The following TENM2 variants were observed in gnomAD, a reference collection of about 807,000 sequenced individuals.
The protein encoded by TENM2 is teneurin-2.
TENM2 carries 52 observed loss-of-function variants against 245.2 expected under a neutral mutation model. The ratio of observed to expected loss-of-function variants is 0.21; its 90% CI spans 0.17 to 0.27. The LOEUF is 0.27. TENM2 is among the 10% of genes least tolerant of loss of function. TENM2 has a pLI of 1.00. For synonymous variants in TENM2, 1,363 were observed against 1,438.9 expected (o/e 0.95, Z 1.19); for missense variants, 3,046 against 3,666.8 (o/e 0.83, Z 4.37).
intron 2 of TENM2, among the ~76,000 whole-genome samples, chr5:167,462,856 G>T (rs1201953551): frequency 6.6e-6 from 1 of 152,048 alleles, no homozygotes; most frequent in Admixed American, 6.5e-5. Flanking sequence ...TTCCAGGCTG[G>T]AGGGTGGAGC....
intron 2 of TENM2, among the ~76,000 whole-genome samples, chr5:167,827,445 A>AT (rs1338415927): frequency 6.6e-6 from 1 of 152,124 alleles, no homozygotes; most frequent in Non-Finnish European, 1.5e-5. Flanking sequence ...TTCTGTGGTG[A>AT]TTAACATCTA....
intron 2 of TENM2, among the ~76,000 whole-genome samples, chr5:167,841,061 A>T (rs535574135): frequency 3.4e-5 from 5 of 147,902 alleles, no homozygotes; most frequent in Non-Finnish European, 3.0e-5. Context: ...TGTCATCCTC[A>T]TTTTTTTTTT....
intron 27 of TENM2, 141 bp from the exon 30 acceptor site, chr5:168,260,142 G>C: frequency 2.4e-6 from 2 of 829,058 alleles, no homozygotes; most frequent in Non-Finnish European, 3.8e-6. Context: ...TCTGGACTCA[G>C]GAGACAGTCA....
chr5:167,643,285 G>A (rs1328763928), intron 2 of TENM2, among the ~76,000 whole-genome samples: 1 of 152,040 alleles, frequency 6.6e-6, no homozygotes, highest in Non-Finnish European at 1.5e-5. Context: ...CCCGCCCTAG[G>A]CAATGACTAA....
intron 2 of TENM2, among the ~76,000 whole-genome samples, chr5:167,706,774 G>A (rs1283718445): frequency 6.6e-6 from 1 of 151,732 alleles, no homozygotes; most frequent in African/African-American, 2.4e-5. Flanking sequence ...CAGCACTTTG[G>A]GAGGCCGAGG....
At chr5:167,912,087 A>G (rs536853859) in intron 3 of TENM2, among the ~76,000 whole-genome samples, 1 of 152,308 alleles carries the variant, frequency 6.6e-6, no homozygotes, top group South Asian at 2.1e-4. Context: ...ATGTTGTACA[A>G]TAGATATCTT....
At chr5:167,179,856 A>G in the TENM2 span, among the ~76,000 whole-genome samples, 1 of 152,120 alleles carries the variant, frequency 6.6e-6, no homozygotes, top group African/African-American at 2.4e-5. Context: ...ATGTCCTGAT[A>G]TTAGCTGCAT....
rs1158237359 is a variant in TENM2, at chr5:168,064,967, A to G, written c.1515+2702A>G. The stretch of plus-strand genomic sequence containing the variant: ...TGATGAACTACATTTCCTCAAGGAG[A>G]CAGTGCTTAGCTCTTTGCGGGGATA... On this transcript the variant is annotated intron_variant, in intron 7 of 28. Transcript: ENST00000518659. Among the ~76,000 whole-genome samples, 15 of 152,198 alleles carry G rather than the reference A, an allele frequency of 9.9e-5. 1 individual carries two copies. Among genetic ancestry groups the G allele is most frequent in the Admixed American group, 9.8e-4 (15 of 15,272 alleles).
intron 1 of TENM2, chr5:167,296,355 C>T (rs1754949637): frequency 6.6e-6 from 1 of 152,202 alleles, no homozygotes; most frequent in Admixed American, 6.5e-5. Context: ...ATGTGCTTCT[C>T]CTTCTGTCCT....
At chr5:167,439,057 G>C (rs1429412866) in intron 2 of TENM2, among the ~76,000 whole-genome samples, 7 of 152,102 alleles carry the variant, frequency 4.6e-5, no homozygotes, top group African/African-American at 1.2e-4. Flanking sequence ...GCCTCTCAAA[G>C]TGCTGGGATT....
chr5:167,578,791 A>G (rs775348960), intron 2 of TENM2, among the ~76,000 whole-genome samples: 2 of 152,184 alleles, frequency 1.3e-5, no homozygotes, highest in Non-Finnish European at 2.9e-5. Context: ...TTTGACGTCT[A>G]GTGTATTTGA....
chr5:167,372,952 TG>T (rs1213397713), intron 1 of TENM2, among the ~76,000 whole-genome samples: 5 of 152,232 alleles, frequency 3.3e-5, no homozygotes, highest in Non-Finnish European at 5.9e-5. Flanking sequence ...CAGAATACTC[TG>T]GGCAGAGAAT....
At chr5:168,217,792 T>C (rs1004785088) in intron 22 of TENM2, among the ~76,000 whole-genome samples, 1 of 152,138 alleles carries the variant, frequency 6.6e-6, no homozygotes, top group African/African-American at 2.4e-5. Context: ...CATGGTCTCT[T>C]GTGCAGTGAA....
At chr5:168,156,250 A>AAAAAAAAAAC (rs1427910726) in intron 12 of TENM2, among the ~76,000 whole-genome samples, 2 of 148,690 alleles carry the variant, frequency 1.3e-5, no homozygotes, top group African/African-American at 5.0e-5. Context: ...CCATAGTTAA[A>AAAAAAAAAAC]AAAAAAAAAA....
At chr5:167,290,267 G>A (rs953591437) in intron 1 of TENM2, among the ~76,000 whole-genome samples, 1 of 152,082 alleles carries the variant, frequency 6.6e-6, no homozygotes, top group Admixed American at 6.5e-5. Flanking sequence ...AGTGCTGATG[G>A]GTACCGCTAG....
chr5:167,545,792 T>A (rs1175981481), intron 2 of TENM2, among the ~76,000 whole-genome samples: 4 of 152,342 alleles, frequency 2.6e-5, no homozygotes, highest in Admixed American at 2.0e-4. Flanking sequence ...TAATTATATC[T>A]ACTGCACAGG....
intron 2 of TENM2, among the ~76,000 whole-genome samples, chr5:167,817,656 A>C (rs1767168574): frequency 6.6e-6 from 1 of 152,178 alleles, no homozygotes; most frequent in Admixed American, 6.5e-5. Flanking sequence ...AAAAAAAAAT[A>C]TGTTCAGTAA....
intron 2 of TENM2, among the ~76,000 whole-genome samples, chr5:167,869,660 C>G (rs764005896): frequency 1.3e-5 from 2 of 152,220 alleles, no homozygotes; most frequent in Non-Finnish European, 2.9e-5. Context: ...TCTGCACTAG[C>G]AGGCCTGGCT....
At position 167,971,890 on chromosome 5, in the gene TENM2, G is replaced by A. The variant is rs187125966; in HGVS notation, c.947+19068G>A. ...AGACAAGGAGAGTGAAGCTCAGAAAGTTCCACAACACGCCAGCGCCTTCCA... is the reference window on the plus strand; with the variant it reads ...AGACAAGGAGAGTGAAGCTCAGAAAATTCCACAACACGCCAGCGCCTTCCA... On this transcript the variant is annotated intron_variant, in intron 4 of 28. Transcript: ENST00000518659. Among the ~76,000 whole-genome samples the A allele has an allele frequency of 2.3e-3, 347 of 152,330 alleles. 1 individual carries two copies. Among genetic ancestry groups the A allele is most frequent in the African/African-American group, 8.0e-3 (331 of 41,574 alleles).
Sources: gnomAD v4.1 joint callset for allele counts (sites outside exome capture counted in the v4.1 genomes callset) on GRCh38, gnomAD v4.1.1 for gene constraint, MANE v1.5 for transcripts, NCBI Gene and HGNC (gene_info 2026-07-23, HGNC 2026-07-21) for gene names.